The following CNTN4 variants were observed in gnomAD, a reference collection of about 807,000 sequenced individuals.
CNTN4 encodes the protein contactin-4.
CNTN4 carries 77 observed loss-of-function variants against 122.5 expected under a neutral mutation model. The observed-to-expected ratio is 0.63, with a 90% CI of 0.52 to 0.76. CNTN4 has a LOEUF of 0.76. Ranked by LOEUF, CNTN4 falls within the 30% of genes least tolerant of loss-of-function variation. CNTN4 has a pLI of 0.00. For missense variants in CNTN4, 1,256 were observed against 1,259.1 expected (o/e 1.00, Z 0.04); for synonymous variants, 512 against 447.0 (o/e 1.15, Z -1.83).
chr3:2,354,942 G>T (rs2044804967), intron 3 of CNTN4, among the ~76,000 whole-genome samples: 1 of 152,158 alleles, frequency 6.6e-6, no homozygotes, highest in Non-Finnish European at 1.5e-5. Flanking sequence ...AGTGTCTTGG[G>T]GATACATTGT....
intron 2 of CNTN4, among the ~76,000 whole-genome samples, chr3:2,138,956 A>C (rs1206554321): frequency 6.6e-6 from 1 of 152,140 alleles, no homozygotes; most frequent in African/African-American, 2.4e-5. Context: ...GCCAAAGCAA[A>C]GACAGTTTGT....
chr3:2,745,787 A>G, intron 6 of CNTN4, 90 bp downstream of exon 6: 1 of 1,165,670 alleles, frequency 8.6e-7, no homozygotes, highest in Non-Finnish European at 1.3e-6. Flanking sequence ...CATTTTAGAG[A>G]CTAGATTTTA....
intron 3 of CNTN4, among the ~76,000 whole-genome samples, chr3:2,361,504 C>G (rs1441656664): frequency 6.6e-6 from 1 of 152,144 alleles, no homozygotes; most frequent in Non-Finnish European, 1.5e-5. Context: ...TTGAGAAACC[C>G]TGCTCTGTAC....
chr3:2,290,181 T>C (rs2042080657), intron 2 of CNTN4, among the ~76,000 whole-genome samples: 1 of 152,110 alleles, frequency 6.6e-6, no homozygotes, highest in South Asian at 2.1e-4. Context: ...GCACAGAGCA[T>C]TGATCCCAGA....
At chr3:2,110,410 A>G (rs1559250375) in intron 2 of CNTN4, 1 of 152,234 alleles carries the variant, frequency 6.6e-6, no homozygotes, top group Non-Finnish European at 1.5e-5. Context: ...AGAACGTAGT[A>G]TACTTAAATG....
chr3:2,227,320 C>A (rs1476675975), intron 2 of CNTN4, among the ~76,000 whole-genome samples: 1 of 152,024 alleles, frequency 6.6e-6, no homozygotes, highest in East Asian at 1.9e-4. Flanking sequence ...GTAAATAGTT[C>A]CAAACTCTTT....
At chr3:2,355,602 G>A (rs764847099) in intron 3 of CNTN4, among the ~76,000 whole-genome samples, 2 of 152,104 alleles carry the variant, frequency 1.3e-5, no homozygotes, top group South Asian at 2.1e-4. Context: ...CCCCTCCTGC[G>A]CCCTCCTCCA....
At chr3:2,403,243 C>G (rs987602714) in intron 3 of CNTN4, among the ~76,000 whole-genome samples, 2 of 152,084 alleles carry the variant, frequency 1.3e-5, no homozygotes, top group Non-Finnish European at 2.9e-5. Flanking sequence ...TCATCCCTTA[C>G]ACTAGATATA....
chr3:2,208,211 A>G (rs1449635050), intron 2 of CNTN4, among the ~76,000 whole-genome samples: 2 of 152,108 alleles, frequency 1.3e-5, no homozygotes, highest in Admixed American at 1.3e-4. Context: ...TTTCTATGCC[A>G]TAAAGAACAT....
chr3:2,880,370 T>G (rs1218185518), intron 8 of CNTN4, among the ~76,000 whole-genome samples: 1 of 152,250 alleles, frequency 6.6e-6, no homozygotes, highest in East Asian at 1.9e-4. Flanking sequence ...AAGGCAATTC[T>G]TTTTAATTAA....
rs375233942 is a variant in CNTN4, at chr3:2,653,161, G to A, written c.55+81603G>A. ...AACATACGCGTTAATACATGTGAAA[G>A]CTTTTTTAAAAATTGTAAATCTCCA... On this transcript the variant is annotated intron_variant, in intron 4 of 24. Transcript: ENST00000418658. Among the ~76,000 whole-genome samples, 555 of 151,918 alleles carry A rather than the reference G, an allele frequency of 3.7e-3. 3 individuals are homozygous for A. Among genetic ancestry groups the A allele is most frequent in the African/African-American group, 0.013 (536 of 41,458 alleles).
At chr3:2,660,428 A>T (rs1056097166) in intron 4 of CNTN4, among the ~76,000 whole-genome samples, 2 of 152,324 alleles carry the variant, frequency 1.3e-5, no homozygotes, top group East Asian at 3.9e-4. Flanking sequence ...TTAGATATCT[A>T]GGACGCTTCA....
intron 2 of CNTN4, among the ~76,000 whole-genome samples, chr3:2,310,332 C>T (rs2042869322): frequency 6.6e-6 from 1 of 152,250 alleles, no homozygotes; most frequent in Non-Finnish European, 1.5e-5. Context: ...CTAACATTGG[C>T]TATGACTGAC....
At chr3:2,690,339 G>T (rs1053525407) in intron 4 of CNTN4, among the ~76,000 whole-genome samples, 14 of 152,082 alleles carry the variant, frequency 9.2e-5, no homozygotes, top group African/African-American at 3.4e-4. Flanking sequence ...AGTCCCAAGT[G>T]TGTTCGTTTC....
Position 2,473,075 on chromosome 3 carries a change from C to CA in CNTN4, c.-88-98335dup, listed in dbSNP as rs755929665. Among the ~76,000 whole-genome samples the CA allele has an allele frequency of 2.6e-5, 4 of 151,604 alleles. No homozygotes were observed. The East Asian group carries it at 5.8e-4, about 22-fold the overall frequency. ...CTGGTGAAATTCCATCTCTACTAAACAAAAAATTAGCTGGGCGTGGTGGTG... is the reference window on the plus strand; with the variant it reads ...CTGGTGAAATTCCATCTCTACTAAACAAAAAAATTAGCTGGGCGTGGTGGTG... On this transcript the variant is annotated intron_variant, in intron 3 of 24. Transcript: ENST00000418658.
chr3:2,182,415 C>T (rs1386186137), intron 2 of CNTN4, among the ~76,000 whole-genome samples: 4 of 152,020 alleles, frequency 2.6e-5, no homozygotes, highest in Non-Finnish European at 5.9e-5. Flanking sequence ...GTCTAGAGAT[C>T]TAACATTAGT....
chr3:2,414,183 G>A (rs1281317542), intron 3 of CNTN4, among the ~76,000 whole-genome samples: 2 of 152,138 alleles, frequency 1.3e-5, no homozygotes, highest in African/African-American at 4.8e-5. Context: ...AGATACCAAA[G>A]GTCCATGGCT....
At chr3:2,204,346 A>T (rs991285854) in intron 2 of CNTN4, among the ~76,000 whole-genome samples, 9 of 152,216 alleles carry the variant, frequency 5.9e-5, no homozygotes, top group African/African-American at 2.2e-4. Context: ...GTTATTATAC[A>T]CATTTAATAA....
intron 4 of CNTN4, among the ~76,000 whole-genome samples, chr3:2,640,323 A>C (rs979355921): frequency 6.6e-6 from 1 of 152,194 alleles, no homozygotes; most frequent in African/African-American, 2.4e-5. Context: ...AGCACTTTTT[A>C]TATTTTTCTT....
Sources: gnomAD v4.1 joint callset for allele counts (sites outside exome capture counted in the v4.1 genomes callset) on GRCh38, gnomAD v4.1.1 for gene constraint, MANE v1.5 for transcripts, NCBI Gene and HGNC (gene_info 2026-07-23, HGNC 2026-07-21) for gene names.